NEB: variants seen among roughly 807,000 people sequenced by gnomAD.
The protein encoded by NEB is nemaline myopathy type 2.
NEB carries 512 observed loss-of-function variants against 952.2 expected under a neutral mutation model. That is an observed-to-expected ratio of 0.54 (90% CI 0.50 to 0.58). NEB has a LOEUF of 0.58. Among genes scored for constraint, NEB ranks in the 20% least tolerant of loss-of-function variants. The pLI, the probability that NEB is intolerant of heterozygous loss-of-function variation, is 0.00. For synonymous variants in NEB, 2,900 were observed against 3,149.8 expected (o/e 0.92, Z 2.66); for missense variants, 8,428 against 9,231.1 (o/e 0.91, Z 3.56).
chr2:151,632,063 T>C (rs892584155), intron 65 of NEB, among the ~76,000 whole-genome samples: 4 of 152,192 alleles, frequency 2.6e-5, no homozygotes, highest in African/African-American at 9.7e-5. Context: ...GACAATTTCA[T>C]TGTGCAGGGC....
chr2:151,566,546 C>G (rs933918724), intron 114 of NEB, among the ~76,000 whole-genome samples: 2 of 152,166 alleles, frequency 1.3e-5, no homozygotes, highest in African/African-American at 4.8e-5. Flanking sequence ...TAAGTTGATG[C>G]ATCCAGTTAC....
intron 123 of NEB, 26 bp from the exon 124 acceptor site, chr2:151,560,725 G>A (rs1461633577): frequency 6.5e-7 from 1 of 1,546,294 alleles, no homozygotes; most frequent in Admixed American, 1.8e-5. Context: ...ACCTTCTTGT[G>A]AATATGGGAA....
At chr2:151,524,174 T>C (rs1339601836) in intron 153 of NEB, 137 bp downstream of exon 153, 5 of 719,658 alleles carry the variant, frequency 6.9e-6, no homozygotes. Context: ...AGTGCACTTT[T>C]TATAACTCTT....
At chr2:151,549,230 T>C (rs754403972) in intron 130 of NEB, among the ~76,000 whole-genome samples, 11 of 152,212 alleles carry the variant, frequency 7.2e-5, no homozygotes, top group Non-Finnish European at 1.5e-4. Flanking sequence ...TGATGTTATA[T>C]CTTCTGCAGT....
At chr2:151,649,712 G>A (rs1240043657) in intron 54 of NEB, among the ~76,000 whole-genome samples, 1 of 152,098 alleles carries the variant, frequency 6.6e-6, no homozygotes, top group African/African-American at 2.4e-5. Flanking sequence ...GTTGAAGATG[G>A]AATAGATACT....
Position 151,687,674 on chromosome 2 carries a change from G to A in NEB, c.2475C>T (p.Asp825=), listed in dbSNP as rs180881237. The change falls in exon 26 of 182, where the codon GAC becomes GAT. Residue 825 remains aspartate, a synonymous_variant. Coordinates refer to ENST00000397345, the MANE Select transcript of NEB (RefSeq NM_001164508.2). ...CTTTGGCTGCCAACAGGGGAATGGC[G>A]TCCACTTTAATGTCAAACTTCTTGG... ...SKAKKFDIKV[D]AIPLLAAKAN... 3.5e-5 allele frequency: 57 copies of A among 1,607,970 alleles called. No homozygotes were observed. The highest frequency in any genetic ancestry group is 4.2e-5 in the Non-Finnish European group (50 of 1,176,554).
rs2085005735 is a variant in NEB at position 151,525,213 on chromosome 2, C to T, written c.22222G>A (p.Glu7408Lys). The T allele has an allele frequency of 6.2e-7, 1 of 1,613,854 alleles. No homozygotes were observed. Among genetic ancestry groups the T allele is most frequent in the African/African-American group, 1.3e-5 (1 of 74,930 alleles). Residue 7408 changes from glutamate (E) to lysine (K), a missense_variant, in exon 151 of 182, where the codon GAG (glutamate) becomes AAG (lysine). Glu to Lys is a moderately conservative substitution (Grantham distance 56, BLOSUM62 1). This residue lies in a region of NEB where 3,374 missense variants were observed against 3,651.5 expected (regional missense o/e 0.92). Coordinates refer to ENST00000397345, the MANE Select transcript of NEB (RefSeq NM_001164508.2). ...KGKSNYSIML[E>K]PPEVKHAMEV... ...ATAGCATGTTTCACCTCTGGTGGCT[C>T]CAGCATGATGGAGTAGTTGGATTTT...
At chr2:151,674,415 C>G in intron 36 of NEB, 62 bp downstream of exon 36, 3 of 1,232,628 alleles carry the variant, frequency 2.4e-6, no homozygotes, top group Non-Finnish European at 3.6e-6. Context: ...TCAATTTAAA[C>G]AAGCATTTGA....
chr2:151,506,414 G>C, intron 163 of NEB, 156 bp from the exon 164 acceptor site: 2 of 620,378 alleles, frequency 3.2e-6, no homozygotes, highest in Non-Finnish European at 5.7e-6. Context: ...TTCCATGTCA[G>C]TATCAGTGAC....
rs2075465818 is a variant in NEB at position 151,512,723 on chromosome 2, A to ATG, written c.23346+8_23346+9dup. 1 of 1,597,448 alleles carries ATG rather than the reference A, an allele frequency of 6.3e-7. No homozygotes were observed. The highest frequency in any genetic ancestry group is 1.3e-5 in the African/African-American group (1 of 74,620). ...GGGTTTATGAGTGATGGCATGACGA[A>ATG]TGTCCTTACCTGGCTTGAAAGATTC... On this transcript the variant is annotated intron_variant, in intron 161 of 181. Coordinates refer to ENST00000397345, the MANE Select transcript of NEB (RefSeq NM_001164508.2).
In NEB at chr2:151,644,072, T is replaced by C. The variant is rs2098921838; in HGVS notation, c.7702A>G (p.Ile2568Val). 1 of 1,614,002 alleles carries C rather than the reference T, an allele frequency of 6.2e-7. No individual in the cohort carries two copies. Among genetic ancestry groups the C allele is most frequent in the South Asian group, 1.1e-5 (1 of 91,082 alleles). The change falls in exon 57 of 182, where the codon ATT (isoleucine) becomes GTT (valine). Residue 2568 changes from isoleucine to valine, a missense_variant. Coordinates refer to ENST00000397345, the MANE Select transcript of NEB (RefSeq NM_001164508.2). ...CACATCATCTTGGGGTCATCTTCAA[T>C]GTTCCGGGCACCAATGTGGTGGCCG... ...QLGHHIGARN[I>V]EDDPKMMWSM...
chr2:151,630,167 A>T (rs767196609), intron 67 of NEB, among the ~76,000 whole-genome samples: 7 of 152,238 alleles, frequency 4.6e-5, no homozygotes, highest in Non-Finnish European at 1.0e-4. Context: ...CATAATCACA[A>T]CTTTCTAAAT....
intron 48 of NEB, among the ~76,000 whole-genome samples, chr2:151,657,251 T>C (rs10178880): frequency 0.31 from 47,656 of 151,914 alleles, 11,079 homozygotes; most frequent in African/African-American, 0.63. Flanking sequence ...AGATGAAGAA[T>C]AGAGATGGGA....
chr2:151,531,542 C>T (rs553585911), intron 144 of NEB, among the ~76,000 whole-genome samples: 25 of 152,240 alleles, frequency 1.6e-4, no homozygotes, highest in Middle Eastern at 3.4e-3. Flanking sequence ...GTCTCAAACT[C>T]GTGGCCTCAA....
chr2:151,502,724 C>A (rs1225703904), intron 167 of NEB, 69 bp downstream of exon 167: 3 of 840,960 alleles, frequency 3.6e-6, no homozygotes, highest in Non-Finnish European at 5.8e-6. Flanking sequence ...AGTAATTTTA[C>A]ATTTGTAAGG....
chr2:151,499,363 CT>C lies in NEB; in HGVS notation c.24048del (p.Ile8018PhefsTer127). 2 of 1,546,056 alleles carry C rather than the reference CT, an allele frequency of 1.3e-6. No individual in the cohort carries two copies. Among genetic ancestry groups the C allele is most frequent in the East Asian group, 2.5e-5 (1 of 40,650 alleles). On this transcript the variant is annotated frameshift_variant, in exon 169 of 182. Transcript: ENST00000397345. LOFTEE classifies it high-confidence loss of function. ...SSVLYKENVG[K>X]GIPIPITPEM... ...TCTGGAGTGATGGGGATTGGAATCC[CT>C]TTTCCAACGTTTTCTTTATACAACA...
intron 133 of NEB, 54 bp downstream of exon 133, chr2:151,547,375 G>A: frequency 1.4e-6 from 2 of 1,393,564 alleles, no homozygotes; most frequent in Non-Finnish European, 2.0e-6. Context: ...ACTGCTGAAA[G>A]CAAGCCTGCG....
intron 170 of NEB, 98 bp from the exon 171 acceptor site, chr2:151,497,816 C>T: frequency 2.0e-6 from 3 of 1,533,580 alleles, no homozygotes; most frequent in Non-Finnish European, 2.6e-6. Context: ...ATCCAAGGAG[C>T]CAGAAGTTAT....
rs550494388 is a variant in NEB, at chr2:151,684,666, A to T, written c.2835+112T>A. Reference sequence around the variant, plus strand: ...AACCACAAGGGTCGTTTGCTTACATACATAGGACAATGCAGATACCTCTAA... The same window carrying T: ...AACCACAAGGGTCGTTTGCTTACATTCATAGGACAATGCAGATACCTCTAA... On this transcript the variant is annotated intron_variant, in intron 28 of 181. Transcript: ENST00000397345. 8 of 1,039,314 alleles carry T rather than the reference A, an allele frequency of 7.7e-6. No individual in the cohort carries two copies. In the African/African-American group the frequency reaches 1.3e-4, roughly 17 times the overall value. The allele number at this position is 1,039,314 out of a possible 1,614,324, so 64.4% of individuals were successfully genotyped here.
Sources: allele counts gnomAD v4.1 joint callset (sites outside exome capture counted in the v4.1 genomes callset), GRCh38; gene constraint gnomAD v4.1.1; regional missense constraint gnomAD v4.1.1; transcripts MANE v1.5; gene names NCBI Gene and HGNC (gene_info 2026-07-23, HGNC 2026-07-21).